Variants in RYR3 observed in about 807,000 individuals in gnomAD.
RYR3 encodes the protein ryanodine receptor 3, also known as brain ryanodine receptor-calcium release channel.
A neutral mutation model predicts 584.3 loss-of-function variants in RYR3; 207 were observed. The ratio of observed to expected loss-of-function variants is 0.35; its 90% CI spans 0.32 to 0.40. The LOEUF (loss-of-function observed/expected upper bound fraction) is 0.40. Ranked by LOEUF, RYR3 falls within the 10% of genes least tolerant of loss-of-function variation. RYR3 has a pLI of 1.00. For missense variants in RYR3, 5,616 were observed against 6,089.2 expected, an observed-to-expected ratio of 0.92 and a Z score of 2.59; for synonymous variants, 2,416 against 2,248.5, an observed-to-expected ratio of 1.07 and a Z score of -2.11.
chr15:33,775,446 A>G (rs2073934130), intron 64 of RYR3, among the ~76,000 whole-genome samples: 1 of 152,106 alleles, frequency 6.6e-6, no homozygotes, highest in Non-Finnish European at 1.5e-5. Flanking sequence ...TTCTCCCTAA[A>G]TCAGCCGTGT....
At chr15:33,398,259 A>G (rs1172076159) in intron 1 of RYR3, among the ~76,000 whole-genome samples, 1 of 152,214 alleles carries the variant, frequency 6.6e-6, no homozygotes. Context: ...CAAAGTTGCT[A>G]AGTTTTTATT....
intron 70 of RYR3, among the ~76,000 whole-genome samples, chr15:33,808,013 G>A (rs1356268071): frequency 6.6e-6 from 1 of 152,196 alleles, no homozygotes; most frequent in East Asian, 1.9e-4. Context: ...TTCAAAGAGA[G>A]TCTTCCAAAG....
rs530109223 is a variant in RYR3, at chr15:33,668,044, C to T, written c.5620-1310C>T. On this transcript the variant is annotated intron_variant, in intron 36 of 103. Coordinates refer to ENST00000634891, the MANE Select transcript of RYR3 (RefSeq NM_001036.6). Reference sequence around the variant, plus strand: ...CACCATTGCATTCCAGCCTGGGCAACAAAGCAAGACTCAGTCTTGAAAAAA... The same window carrying T: ...CACCATTGCATTCCAGCCTGGGCAATAAAGCAAGACTCAGTCTTGAAAAAA... Among the ~76,000 whole-genome samples, 8 of 110,052 alleles carry T rather than the reference C, an allele frequency of 7.3e-5. 1 individual carries two copies. The South Asian group carries it at 1.6e-3, about 22-fold the overall frequency. 72.2% of individuals were successfully genotyped at this position (110,052 alleles called of 152,430 possible). A position where few individuals can be genotyped will look rare whatever the true frequency, so the allele number is the denominator to read the frequency against.
intron 1 of RYR3, among the ~76,000 whole-genome samples, chr15:33,381,307 T>A (rs905379059): frequency 6.6e-6 from 1 of 152,106 alleles, no homozygotes; most frequent in African/African-American, 2.4e-5. Context: ...TTGCTCGAGG[T>A]GACACCAGGA....
At chr15:33,777,149 C>G (rs2074048377) in intron 64 of RYR3, among the ~76,000 whole-genome samples, 1 of 152,244 alleles carries the variant, frequency 6.6e-6, no homozygotes, top group Non-Finnish European at 1.5e-5. Flanking sequence ...GATAGCAGCA[C>G]TGCACTCCAG....
intron 8 of RYR3, 41 bp from the exon 9 acceptor site, chr15:33,548,089 G>C: frequency 1.4e-6 from 2 of 1,459,580 alleles, no homozygotes; most frequent in Non-Finnish European, 9.6e-7. Context: ...GTGCTGATCA[G>C]TGTCATGCAA....
intron 18 of RYR3, among the ~76,000 whole-genome samples, chr15:33,607,074 G>C (rs1319470627): frequency 6.6e-6 from 1 of 152,142 alleles, no homozygotes; most frequent in East Asian, 1.9e-4. Flanking sequence ...TCCAACCCCA[G>C]TCCTATGTGG....
chr15:33,595,590 G>A (rs904537046), intron 16 of RYR3, among the ~76,000 whole-genome samples: 45 of 152,150 alleles, frequency 3.0e-4, no homozygotes, highest in African/African-American at 1.1e-3. Flanking sequence ...GGGCCTTGAG[G>A]AGTTGAATAG....
rs544087250 is a variant in RYR3, at chr15:33,777,229, A to T, written c.9138-2982A>T. On this transcript the variant is annotated intron_variant, in intron 64 of 103. Coordinates refer to ENST00000634891, the MANE Select transcript of RYR3 (RefSeq NM_001036.6). ...CCATATCCAATGATAAACCCTTCCA[A>T]TATATCCTCTGGTTATTATGGAGCT... 3.9e-5 allele frequency among the ~76,000 whole-genome samples: 6 copies of T among 152,302 alleles called. No homozygotes were observed. The South Asian group carries it at 1.2e-3, about 32-fold the overall frequency.
rs988625877 is a variant in RYR3, at chr15:33,658,501, C to T, written c.4309-1219C>T. 2.6e-5 allele frequency among the ~76,000 whole-genome samples: 4 copies of T among 152,336 alleles called. No homozygotes were observed. The East Asian group carries it at 5.8e-4, about 22-fold the overall frequency. ...GTCATTCTGTTTGCTGAAAGCAAGA[C>T]ACAAGTTCTAGGGGAATGATGACCC... On this transcript the variant is annotated intron_variant, in intron 32 of 103. Coordinates refer to ENST00000634891, the MANE Select transcript of RYR3 (RefSeq NM_001036.6).
At chr15:33,822,250 C>T (rs1488023582) in intron 80 of RYR3, among the ~76,000 whole-genome samples, 1 of 152,186 alleles carries the variant, frequency 6.6e-6, no homozygotes, top group African/African-American at 2.4e-5. Context: ...CAGGAACATA[C>T]CGGTGTTTCT....
intron 1 of RYR3, among the ~76,000 whole-genome samples, chr15:33,438,840 A>G (rs970891611): frequency 6.6e-6 from 1 of 152,230 alleles, no homozygotes; most frequent in African/African-American, 2.4e-5. Context: ...TATTTACATC[A>G]CAAAAATACA....
intron 45 of RYR3, among the ~76,000 whole-genome samples, 193 bp downstream of exon 45, chr15:33,724,369 G>C (rs147081248): frequency 6.6e-6 from 1 of 152,126 alleles, no homozygotes; most frequent in Non-Finnish European, 1.5e-5. Flanking sequence ...AGGGACTCCC[G>C]GGCAGATCCC....
At chr15:33,756,155 G>T in intron 58 of RYR3, 151 bp from the exon 59 acceptor site, 1 of 661,684 alleles carries the variant, frequency 1.5e-6, no homozygotes, top group Non-Finnish European at 2.8e-6. Flanking sequence ...TAGCTAACCA[G>T]GACAGTTGTA....
At chr15:33,529,172 A>G (rs2054636301) in intron 3 of RYR3, among the ~76,000 whole-genome samples, 1 of 152,252 alleles carries the variant, frequency 6.6e-6, no homozygotes, top group Non-Finnish European at 1.5e-5. Flanking sequence ...TATTGTGAAG[A>G]GCATTGTAAT....
chr15:33,461,069 C>T (rs573579277), intron 1 of RYR3, among the ~76,000 whole-genome samples: 172 of 151,048 alleles, frequency 1.1e-3, no homozygotes, highest in African/African-American at 4.0e-3. Context: ...CTCAGCCTCC[C>T]GAGTAGCTGT....
chr15:33,534,393 C>G (rs1446902032), intron 5 of RYR3, among the ~76,000 whole-genome samples: 1 of 152,214 alleles, frequency 6.6e-6, no homozygotes, highest in East Asian at 1.9e-4. Flanking sequence ...AAGAGCGAGA[C>G]TTCGTCTCGA....
intron 1 of RYR3, among the ~76,000 whole-genome samples, chr15:33,350,930 T>G (rs1297537345): frequency 6.6e-6 from 1 of 151,706 alleles, no homozygotes; most frequent in East Asian, 1.9e-4. Flanking sequence ...CTGAAGGAAA[T>G]AGAGACACAA....
chr15:33,761,825 A>C (rs765661264), intron 60 of RYR3, among the ~76,000 whole-genome samples: 1 of 152,208 alleles, frequency 6.6e-6, no homozygotes, highest in Non-Finnish European at 1.5e-5. Context: ...TTTCAGGCCA[A>C]TATTCCTGAT....
Sources: allele counts gnomAD v4.1 joint callset (sites outside exome capture counted in the v4.1 genomes callset), GRCh38; gene constraint gnomAD v4.1.1; transcripts MANE v1.5; gene names NCBI Gene and HGNC (gene_info 2026-07-23, HGNC 2026-07-21).